The following ACTR3C variants were observed in gnomAD, a reference collection of about 807,000 sequenced individuals.
ACTR3C encodes actin-related protein 3C.
A neutral mutation model predicts 26.3 loss-of-function variants in ACTR3C; 18 were observed. The ratio of observed to expected loss-of-function variants is 0.68; its 90% CI spans 0.47 to 1.01. ACTR3C has a LOEUF of 1.01. Among genes scored for constraint, ACTR3C ranks in the 50% least tolerant of loss-of-function variants. ACTR3C has a pLI of 0.00. For synonymous variants in ACTR3C, 55 were observed against 94.5 expected (o/e 0.58, Z 2.42); for missense variants, 184 against 250.7 (o/e 0.73, Z 1.80).
the ACTR3C span, among the ~76,000 whole-genome samples, chr7:150,166,009 C>T: frequency 1.3e-5 from 2 of 151,792 alleles, no homozygotes; most frequent in Middle Eastern, 3.4e-3. Flanking sequence ...AACTGAAACA[C>T]ACATGATTTT....
chr7:150,135,671 T>G, the ACTR3C span, among the ~76,000 whole-genome samples: 2 of 152,164 alleles, frequency 1.3e-5, no homozygotes, highest in Non-Finnish European at 2.9e-5. Flanking sequence ...CCAAGGAAAC[T>G]CTGGCTGACA....
the ACTR3C span, among the ~76,000 whole-genome samples, chr7:150,150,923 TG>T: frequency 3.5e-4 from 48 of 136,444 alleles, no homozygotes; most frequent in East Asian, 5.5e-4. Context: ...GCCTGATTTT[TG>T]TAATTTGTTT....
chr7:150,067,461 A>G, the ACTR3C span, among the ~76,000 whole-genome samples: 3 of 152,254 alleles, frequency 2.0e-5, no homozygotes, highest in African/African-American at 7.2e-5. Context: ...AGAAGGATAT[A>G]GTAACCCATC....
At chr7:149,995,522 G>C in the ACTR3C span, among the ~76,000 whole-genome samples, 1 of 152,280 alleles carries the variant, frequency 6.6e-6, no homozygotes, top group Non-Finnish European at 1.5e-5. Context: ...TCTCTTCGAG[G>C]TCTTTCCAGA....
At chr7:150,314,375 C>T (rs1460120153) in intron 1 of ACTR3C, among the ~76,000 whole-genome samples, 1 of 152,090 alleles carries the variant, frequency 6.6e-6, no homozygotes, top group Non-Finnish European at 1.5e-5. Flanking sequence ...AGAGTTAGGT[C>T]TATTGTTTGC....
the ACTR3C span, among the ~76,000 whole-genome samples, chr7:150,117,609 T>G: frequency 1.3e-5 from 2 of 152,136 alleles, no homozygotes; most frequent in African/African-American, 4.8e-5. Context: ...AAAACTCCCA[T>G]CTCCCTGAGA....
At chr7:150,102,987 T>C in the ACTR3C span, among the ~76,000 whole-genome samples, 1 of 152,126 alleles carries the variant, frequency 6.6e-6, no homozygotes, top group Admixed American at 6.6e-5. Context: ...TATCTGATTG[T>C]TGGATGCCTT....
chr7:150,173,424 G>A, the ACTR3C span, among the ~76,000 whole-genome samples: 1 of 146,990 alleles, frequency 6.8e-6, no homozygotes, highest in South Asian at 2.1e-4. Context: ...GGGACACAGG[G>A]TACCAAGTCC....
chr7:149,944,052 T>C, the ACTR3C span, among the ~76,000 whole-genome samples: 2,951 of 112,914 alleles, frequency 0.026, 83 homozygotes, highest in African/African-American at 0.078. Context: ...CTTCCAACTC[T>C]GGCAAGTCAA....
At chr7:150,048,745 A>G in the ACTR3C span, among the ~76,000 whole-genome samples, 1,561 of 143,400 alleles carry the variant, frequency 0.011, 5 homozygotes, top group Non-Finnish European at 0.015. Flanking sequence ...CCTGGGGTGC[A>G]AATGGGGCGT....
At chr7:149,981,808 C>T in the ACTR3C span, among the ~76,000 whole-genome samples, 1 of 152,200 alleles carries the variant, frequency 6.6e-6, no homozygotes, top group African/African-American at 2.4e-5. Context: ...GAAGTACCCT[C>T]ACCTGGAGAA....
the ACTR3C span, among the ~76,000 whole-genome samples, chr7:149,884,474 AG>A: frequency 6.6e-6 from 1 of 152,204 alleles, no homozygotes; most frequent in African/African-American, 2.4e-5. Context: ...TGATGAGAGT[AG>A]ATTTCACAAA....
chr7:149,999,740 G>A, the ACTR3C span, among the ~76,000 whole-genome samples: 1 of 151,112 alleles, frequency 6.6e-6, no homozygotes, highest in African/African-American at 2.4e-5. Flanking sequence ...TGTGGAGACA[G>A]GCAGCTGCAG....
chr7:149,954,264 G>C, the ACTR3C span, among the ~76,000 whole-genome samples: 1 of 152,190 alleles, frequency 6.6e-6, no homozygotes, highest in Non-Finnish European at 1.5e-5. Flanking sequence ...ATAATCATTT[G>C]AGTAGAAAAA....
chr7:150,242,282 A>G (rs1171564818), downstream of ACTR3C, among the ~76,000 whole-genome samples: 1 of 151,078 alleles, frequency 6.6e-6, no homozygotes, highest in African/African-American at 2.5e-5. Context: ...TCATTGACTG[A>G]AAAACAGAGG....
At chr7:150,022,421 A>G in the ACTR3C span, among the ~76,000 whole-genome samples, 5 of 151,492 alleles carry the variant, frequency 3.3e-5, no homozygotes, top group African/African-American at 7.3e-5. Context: ...TTGACAACAC[A>G]TGCATCTCTT....
At chr7:150,194,527 G>T in the ACTR3C span, among the ~76,000 whole-genome samples, 98 of 150,972 alleles carry the variant, frequency 6.5e-4, 2 homozygotes, top group Non-Finnish European at 1.2e-4. Context: ...GACCATCTTT[G>T]CCTTTTAATT....
At chr7:149,883,412 A>G in the ACTR3C span, among the ~76,000 whole-genome samples, 2 of 152,210 alleles carry the variant, frequency 1.3e-5, no homozygotes, top group Non-Finnish European at 2.9e-5. Context: ...GACCTACACG[A>G]TGCAAAAAAG....
chr7:150,027,530 C>CAAAGTGCTGGG, the ACTR3C span, among the ~76,000 whole-genome samples: 11 of 148,092 alleles, frequency 7.4e-5, no homozygotes, highest in Admixed American at 6.8e-5. Context: ...CTCGGCCTCC[C>CAAAGTGCTGGG]AAAGTGCTGG....
Sources: allele counts gnomAD v4.1 joint callset (sites outside exome capture counted in the v4.1 genomes callset), GRCh38; gene constraint gnomAD v4.1.1; transcripts MANE v1.5; gene names NCBI Gene and HGNC (gene_info 2026-07-23, HGNC 2026-07-21).